GLB1: variants seen among roughly 807,000 people sequenced by gnomAD.
GLB1 encodes galactosidase beta 1.
Under a neutral mutation model 74.0 loss-of-function variants are expected in GLB1, and 56 were observed. That is an observed-to-expected ratio of 0.76 (90% CI 0.61 to 0.94). The LOEUF (loss-of-function observed/expected upper bound fraction) is 0.94. Among genes scored for constraint, GLB1 ranks in the 40% least tolerant of loss-of-function variants. The pLI is 0.00. For missense variants in GLB1, 787 were observed against 845.5 expected (o/e 0.93, Z 0.86); for synonymous variants, 323 against 323.6 (o/e 1.00, Z 0.02).
chr3:33,070,420 C>CAG (rs1699848426), intron 2 of GLB1, among the ~76,000 whole-genome samples: 1 of 152,142 alleles, frequency 6.6e-6, no homozygotes, highest in South Asian at 2.1e-4. Context: ...GCTTGGCAGC[C>CAG]TCTTGGGAGG....
the GLB1 span, among the ~76,000 whole-genome samples, chr3:32,990,577 C>A: frequency 3.9e-5 from 6 of 152,302 alleles, no homozygotes; most frequent in South Asian, 6.2e-4. Context: ...CACCCTGAAA[C>A]CTTGGGGACT....
chr3:33,066,301 T>C (rs555290758), intron 4 of GLB1, among the ~76,000 whole-genome samples: 1 of 152,282 alleles, frequency 6.6e-6, no homozygotes, highest in East Asian at 1.9e-4. Flanking sequence ...AGTAGATCAA[T>C]CCACTCATGG....
chr3:33,053,643 T>C (rs1035225439), intron 6 of GLB1, 94 bp from the exon 7 acceptor site: 1 of 1,528,028 alleles, frequency 6.5e-7, no homozygotes, highest in Non-Finnish European at 9.0e-7. Flanking sequence ...CCTGAAGCCC[T>C]GCTACGGTCA....
At chr3:33,016,915 A>C in intron 13 of GLB1, 75 bp from the exon 14 acceptor site, 1 of 1,584,734 alleles carries the variant, frequency 6.3e-7, no homozygotes, top group Non-Finnish European at 8.6e-7. Flanking sequence ...ATGCTCAGTT[A>C]ATTTAGCACT....
In GLB1 at chr3:33,018,535, T is replaced by A; in HGVS notation, c.1260A>T (p.Thr420=). ...KQHYGFVLYR[T]TLPQDCSNPA... is the part of the protein sequence containing the mutation. ...GGTTGCTGCAATCTTGAGGAAGTGT[T>A]GTCCGGTACAGCACAAACCCATAAT... Residue 420 remains threonine, a synonymous_variant, in exon 13 of 16, where the codon ACA becomes ACT. Coordinates refer to ENST00000307363, the MANE Select transcript of GLB1 (RefSeq NM_000404.4). 1 of 1,614,012 alleles carries A rather than the reference T, an allele frequency of 6.2e-7. No individual in the cohort carries two copies. The highest frequency in any genetic ancestry group is 2.2e-5 in the East Asian group (1 of 44,882).
intron 1 of GLB1, chr3:33,091,042 C>T: frequency 1.0e-6 from 1 of 985,306 alleles, no homozygotes; most frequent in Non-Finnish European, 1.2e-6. Flanking sequence ...CAAACATTAC[C>T]AGCCGCATCA....
rs1238251317 is a variant in GLB1, at chr3:33,080,689, C to T, written c.76-7976G>A. 3.9e-5 allele frequency among the ~76,000 whole-genome samples: 6 copies of T among 152,208 alleles called. No homozygotes were observed. The South Asian group carries it at 8.3e-4, about 21-fold the overall frequency. On this transcript the variant is annotated intron_variant, in intron 1 of 15. Transcript: ENST00000307363. ...AGGAGGTCTCAGAAGAATCATGTCC[C>T]GGTTCCCAGAGTGATAACTACAATA...
chr3:33,091,673 C>A, intron 1 of GLB1: 1 of 985,272 alleles, frequency 1.0e-6, no homozygotes, highest in Non-Finnish European at 1.2e-6. Flanking sequence ...TTGATGGAAA[C>A]CAAGGCTGAG....
intron 1 of GLB1, chr3:33,091,253 AC>A (rs1700746641): frequency 4.1e-6 from 4 of 985,410 alleles, no homozygotes; most frequent in East Asian, 1.1e-4. Flanking sequence ...GGTATGGCCC[AC>A]TGTCAATACC....
chr3:33,033,223 G>C (rs1698129040), intron 10 of GLB1, among the ~76,000 whole-genome samples: 1 of 152,180 alleles, frequency 6.6e-6, no homozygotes, highest in South Asian at 2.1e-4. Flanking sequence ...TGAAATGTAT[G>C]GGGCCAGAAC....
In GLB1 at chr3:33,043,313, G is replaced by A. The variant is rs184156073; in HGVS notation, c.1068+2807C>T. 5.9e-5 allele frequency among the ~76,000 whole-genome samples: 9 copies of A among 152,182 alleles called. 1 individual carries two copies. The highest frequency in any genetic ancestry group is 5.2e-4 in the Admixed American group (8 of 15,278). Reference sequence around the variant, plus strand: ...TCAATGACTAGAGAGGGACATTAGAGGGGCTTCCGGGGAGCTATGTGTTTG... The same window carrying A: ...TCAATGACTAGAGAGGGACATTAGAAGGGCTTCCGGGGAGCTATGTGTTTG... On this transcript the variant is annotated intron_variant, in intron 10 of 15. Transcript: ENST00000307363.
intron 10 of GLB1, among the ~76,000 whole-genome samples, chr3:33,030,383 C>T (rs542401809): frequency 5.3e-5 from 8 of 152,198 alleles, no homozygotes; most frequent in Non-Finnish European, 1.0e-4. Flanking sequence ...CTACAGGAAA[C>T]GAAGAGACCA....
chr3:33,072,474 A>C, intron 2 of GLB1, 70 bp downstream of exon 2: 1 of 1,606,014 alleles, frequency 6.2e-7, no homozygotes. Flanking sequence ...CACCCTGAGA[A>C]ATACAGTTGT....
chr3:32,978,273 C>T, the GLB1 span, among the ~76,000 whole-genome samples: 12 of 152,124 alleles, frequency 7.9e-5, no homozygotes, highest in Admixed American at 6.5e-4. Context: ...TTGTGAGATT[C>T]TTAGCACATT....
At chr3:32,982,723 T>C in the GLB1 span, among the ~76,000 whole-genome samples, 17 of 152,212 alleles carry the variant, frequency 1.1e-4, no homozygotes, top group African/African-American at 4.1e-4. Flanking sequence ...TATTTGCTTT[T>C]CAATCTTTTT....
At chr3:33,072,513 C>A (rs781076421) in intron 2 of GLB1, 31 bp downstream of exon 2, 2 of 1,612,200 alleles carry the variant, frequency 1.2e-6, no homozygotes, top group East Asian at 4.5e-5. Flanking sequence ...GTGTTCAGGC[C>A]TAGGTGAGAG....
At chr3:33,034,741 C>A (rs1023147128) in intron 10 of GLB1, 14 of 684,498 alleles carry the variant, frequency 2.0e-5, no homozygotes, top group Non-Finnish European at 3.6e-5. Context: ...GGGTGTGTAT[C>A]AGTGATGTCA....
chr3:32,995,837 C>A (rs1254537266), downstream of GLB1, among the ~76,000 whole-genome samples: 4 of 97,442 alleles, frequency 4.1e-5, no homozygotes, highest in Non-Finnish European at 6.5e-5. Flanking sequence ...AGAGCAAGAC[C>A]CAGCCTCAAA....
intron 1 of GLB1, among the ~76,000 whole-genome samples, chr3:33,087,856 T>TCAA (rs1425940029): frequency 7.2e-6 from 1 of 139,244 alleles, no homozygotes; most frequent in African/African-American, 2.7e-5. Flanking sequence ...GCAAAAATCC[T>TCAA]CAACAAAATA....
Sources: gnomAD v4.1 joint callset for allele counts (sites outside exome capture counted in the v4.1 genomes callset) on GRCh38, gnomAD v4.1.1 for gene constraint, MANE v1.5 for transcripts, NCBI Gene and HGNC (gene_info 2026-07-23, HGNC 2026-07-21) for gene names.